Variants in ALOX5 observed in about 807,000 individuals in gnomAD.
ALOX5 encodes arachidonate 5-lipoxygenase.
In ALOX5, 64 loss-of-function variants were observed where a neutral mutation model predicts 87.9. The ratio of observed to expected loss-of-function variants is 0.73; its 90% CI spans 0.60 to 0.90. The LOEUF (loss-of-function observed/expected upper bound fraction) is 0.90, where lower values mean the gene tolerates loss of function less well. Ranked by LOEUF, ALOX5 falls within the 40% of genes least tolerant of loss-of-function variation. The pLI is 0.00. For missense variants in ALOX5, 822 were observed against 907.5 expected (o/e 0.91, Z 1.21); for synonymous variants, 388 against 355.1 (o/e 1.09, Z -1.04).
At chr10:45,391,907 G>A (rs929470868) in intron 2 of ALOX5, among the ~76,000 whole-genome samples, 1 of 116,740 alleles carries the variant, frequency 8.6e-6, no homozygotes, top group African/African-American at 2.8e-5. Context: ...GAGAAGTGAG[G>A]AGCCCCTCCG....
chr10:45,441,442 C>G lies in ALOX5; in HGVS notation c.1272+12C>G. 6.2e-7 allele frequency: 1 copy of G among 1,611,626 alleles called. No individual in the cohort carries two copies. Among genetic ancestry groups the G allele is most frequent in the Non-Finnish European group, 8.5e-7 (1 of 1,178,002 alleles). ...GCCTCTTTGACAAGGTGGGTGCCCTCCTACCCTACTTGTTGCCTGGAAGAG... is the reference window on the plus strand; with the variant it reads ...GCCTCTTTGACAAGGTGGGTGCCCTGCTACCCTACTTGTTGCCTGGAAGAG... On this transcript the variant is annotated intron_variant, in intron 9 of 13. Transcript: ENST00000374391.
At position 45,444,098 on chromosome 10, in the gene ALOX5, TGGC is replaced by T; in HGVS notation, c.1675-15_1675-13del. The T allele has an allele frequency of 6.6e-7, 1 of 1,516,602 alleles. No individual in the cohort carries two copies. The highest frequency in any genetic ancestry group is 1.2e-5 in the South Asian group (1 of 80,784). The allele number at this position is 1,516,602 out of a possible 1,614,324, so 93.9% of individuals were successfully genotyped here. A position where few individuals can be genotyped will look rare whatever the true frequency, so the allele number is the denominator to read the frequency against. On this transcript the variant is annotated splice_polypyrimidine_tract_variant and intron_variant, in intron 12 of 13. Coordinates refer to ENST00000374391, the MANE Select transcript of ALOX5 (RefSeq NM_000698.5). ...GGGCTTCGGGGGTGCCCACGCTTGC[TGGC>T]GGTCGTCTCCGCAGTACGACTGGTG...
Position 45,424,140 on chromosome 10 carries a change from T to C in ALOX5, c.654T>C (p.Thr218=). The change falls in exon 5 of 14, where the codon ACT becomes ACC. Residue 218 remains threonine, a synonymous_variant. Coordinates refer to ENST00000374391, the MANE Select transcript of ALOX5 (RefSeq NM_000698.5). The part of the protein sequence containing the change: ...FEKIFVKISN[T]ISERVMNHWQ... ...AAATCTTTGTCAAGATCAGCAACAC[T>C]ATTTCTGGTGAGTGTGCCTCTGGGG... 2 of 1,613,110 alleles carry C rather than the reference T, an allele frequency of 1.2e-6. No individual in the cohort carries two copies. The highest frequency in any genetic ancestry group is 2.7e-5 in the African/African-American group (2 of 75,022).
intron 13 of ALOX5, 107 bp from the exon 14 acceptor site, chr10:45,445,401 C>G (rs1842404903): frequency 7.4e-7 from 1 of 1,349,186 alleles, no homozygotes; most frequent in African/African-American, 1.5e-5. Context: ...ATAGATGCTC[C>G]CTCCTTCATC....
intron 3 of ALOX5, among the ~76,000 whole-genome samples, chr10:45,396,769 A>G (rs1269868450): frequency 6.6e-6 from 1 of 152,242 alleles, no homozygotes; most frequent in Non-Finnish European, 1.5e-5. Context: ...CAAGAAAACT[A>G]TAAACCAATA....
intron 7 of ALOX5, among the ~76,000 whole-genome samples, chr10:45,436,455 A>G (rs1842063506): frequency 6.6e-6 from 1 of 152,200 alleles, no homozygotes; most frequent in Non-Finnish European, 1.5e-5. Context: ...GCCCAGCGTC[A>G]TTCTTCTGCA....
chr10:45,392,451 G>A (rs1475584893), intron 2 of ALOX5, among the ~76,000 whole-genome samples: 1 of 151,224 alleles, frequency 6.6e-6, no homozygotes, highest in Non-Finnish European at 1.5e-5. Flanking sequence ...GTCCACTCAG[G>A]GTTAAATGGA....
In ALOX5 at chr10:45,382,550, G is replaced by C. The variant is rs770621268; in HGVS notation, c.218G>C (p.Arg73Pro). 10 of 1,614,158 alleles carry C rather than the reference G, an allele frequency of 6.2e-6. No homozygotes were observed. The highest frequency in any genetic ancestry group is 1.1e-5 in the South Asian group (1 of 91,074). The change falls in exon 2 of 14, where the codon CGC (arginine) becomes CCC (proline). Residue 73 changes from arginine (R) to proline (P), a missense_variant. Physicochemically the swap from Arg to Pro is moderately radical, Grantham distance 103. Transcript: ENST00000374391. ...GEIQLVRIEK[R>P]KYWLNDDWYL... ...ATCCAGCTGGTCAGAATCGAGAAGC[G>C]CAAGTACTGGCTGAATGACGACTGG...
intron 9 of ALOX5, chr10:45,442,778 G>A (rs891865023): frequency 1.0e-4 from 46 of 455,636 alleles, no homozygotes; most frequent in East Asian, 3.9e-4. Flanking sequence ...GGCTGGGAGC[G>A]CACCCTTCCC....
chr10:45,412,360 T>C (rs929891143), intron 4 of ALOX5, 47 bp downstream of exon 4: 17 of 1,608,978 alleles, frequency 1.1e-5, no homozygotes, highest in Non-Finnish European at 1.4e-5. Context: ...CTCCAGTGGC[T>C]GGTGCTGGGG....
At chr10:45,405,218 A>G (rs1482384870) in intron 3 of ALOX5, among the ~76,000 whole-genome samples, 1 of 152,242 alleles carries the variant, frequency 6.6e-6, no homozygotes, top group Non-Finnish European at 1.5e-5. Flanking sequence ...GGAACAAATC[A>G]GCATTTTTTC....
chr10:45,398,898 C>G (rs994171022), intron 3 of ALOX5, among the ~76,000 whole-genome samples: 5 of 152,208 alleles, frequency 3.3e-5, no homozygotes, highest in African/African-American at 1.2e-4. Flanking sequence ...GGGAAACAGT[C>G]TGCTAGCTCC....
chr10:45,424,661 C>A (rs1021492594), intron 5 of ALOX5, among the ~76,000 whole-genome samples: 7 of 152,082 alleles, frequency 4.6e-5, no homozygotes, highest in Non-Finnish European at 1.0e-4. Context: ...GGCAAACTGC[C>A]CCCAGGGACT....
chr10:45,409,163 A>T (rs1038643042), intron 3 of ALOX5, among the ~76,000 whole-genome samples: 5 of 152,174 alleles, frequency 3.3e-5, no homozygotes, highest in Non-Finnish European at 7.3e-5. Flanking sequence ...CTGAGCCATC[A>T]CCAATCTGGC....
intron 7 of ALOX5, among the ~76,000 whole-genome samples, chr10:45,435,622 A>G (rs2082110): frequency 0.2 from 30,315 of 152,092 alleles, 3,232 homozygotes; most frequent in African/African-American, 0.26. Flanking sequence ...ATTCTTTTTT[A>G]TGGCTATGTA....
At chr10:45,432,990 C>T (rs1312926505) in intron 7 of ALOX5, among the ~76,000 whole-genome samples, 1 of 152,152 alleles carries the variant, frequency 6.6e-6, no homozygotes, top group Non-Finnish European at 1.5e-5. Context: ...GAAAAATGAG[C>T]AGAGAATATG....
intron 13 of ALOX5, 49 bp downstream of exon 13, chr10:45,444,335 CG>C: frequency 6.6e-7 from 1 of 1,507,364 alleles, no homozygotes; most frequent in African/African-American, 1.4e-5. Context: ...CCAGGTTAAG[CG>C]GTTCCTCAGC....
At chr10:45,422,983 T>C (rs1018613539) in intron 4 of ALOX5, among the ~76,000 whole-genome samples, 1 of 152,160 alleles carries the variant, frequency 6.6e-6, no homozygotes, top group Non-Finnish European at 1.5e-5. Context: ...TGCCTTCCTC[T>C]TCTTACGAGG....
At chr10:45,424,185 C>G in intron 5 of ALOX5, 38 bp downstream of exon 5, 1 of 1,518,178 alleles carries the variant, frequency 6.6e-7, no homozygotes, top group Middle Eastern at 1.7e-4. Flanking sequence ...GTGCTGGGGA[C>G]AGGGGATGCT....
Sources: allele counts gnomAD v4.1 joint callset (sites outside exome capture counted in the v4.1 genomes callset), GRCh38; gene constraint gnomAD v4.1.1; transcripts MANE v1.5; gene names NCBI Gene and HGNC (gene_info 2026-07-23, HGNC 2026-07-21).